The following NEGR1 variants were observed in gnomAD, a reference collection of about 807,000 sequenced individuals.
NEGR1 encodes IgLON family member 4.
A neutral mutation model predicts 40.9 loss-of-function variants in NEGR1; 10 were observed. The observed-to-expected ratio is 0.24, with a 90% confidence interval of 0.15 to 0.42. NEGR1 has a LOEUF of 0.42. Among genes scored for constraint, NEGR1 ranks in the 10% least tolerant of loss-of-function variants. The pLI is 1.00. For missense variants in NEGR1, 352 were observed against 438.9 expected, an observed-to-expected ratio of 0.80 and a Z score of 1.77; for synonymous variants, 185 against 166.8, an observed-to-expected ratio of 1.11 and a Z score of -0.84.
intron 2 of NEGR1, among the ~76,000 whole-genome samples, chr1:71,789,943 G>A (rs1304078428): frequency 1.3e-5 from 2 of 152,010 alleles, no homozygotes; most frequent in South Asian, 2.1e-4. Flanking sequence ...TTTATTCACG[G>A]CTACTACTGT....
At chr1:72,159,565 A>G (rs546201957) in intron 1 of NEGR1, among the ~76,000 whole-genome samples, 26 of 152,286 alleles carry the variant, frequency 1.7e-4, no homozygotes, top group African/African-American at 6.3e-4. Context: ...AAGCAGTGTC[A>G]CATACCTATT....
intron 1 of NEGR1, among the ~76,000 whole-genome samples, chr1:72,007,129 CA>C (rs1646614830): frequency 6.6e-6 from 1 of 151,252 alleles, no homozygotes; most frequent in African/African-American, 2.4e-5. Flanking sequence ...TTTGTTTTTT[CA>C]AAAAAAGGAG....
chr1:72,025,984 G>C (rs1413224333), intron 1 of NEGR1, among the ~76,000 whole-genome samples: 1 of 149,576 alleles, frequency 6.7e-6, no homozygotes, highest in Non-Finnish European at 1.5e-5. Context: ...AGTGGCGGGC[G>C]CCTGTAGTCC....
intron 6 of NEGR1, among the ~76,000 whole-genome samples, chr1:71,434,700 G>T (rs1646494682): frequency 6.6e-6 from 1 of 152,176 alleles, no homozygotes; most frequent in Non-Finnish European, 1.5e-5. Flanking sequence ...AAGTCGAATT[G>T]CTTGATATAT....
chr1:72,075,872 G>A (rs766499228), intron 1 of NEGR1, among the ~76,000 whole-genome samples: 1 of 152,040 alleles, frequency 6.6e-6, no homozygotes, highest in Non-Finnish European at 1.5e-5. Flanking sequence ...AACTAAGATC[G>A]GAGTAAGAGT....
chr1:71,912,917 G>C (rs12727944), intron 2 of NEGR1, among the ~76,000 whole-genome samples: 1,754 of 151,784 alleles, frequency 0.012, 19 homozygotes, highest in Non-Finnish European at 0.02. Flanking sequence ...ACTTAACTTT[G>C]CAAAATAATT....
chr1:71,870,026 C>T (rs949597039), intron 2 of NEGR1, among the ~76,000 whole-genome samples: 11 of 151,838 alleles, frequency 7.2e-5, no homozygotes, highest in East Asian at 3.9e-4. Flanking sequence ...ATTACAGGCG[C>T]GGGCCACCAC....
At chr1:72,135,404 C>CAAAAAA (rs562148946) in intron 1 of NEGR1, among the ~76,000 whole-genome samples, 2 of 65,786 alleles carry the variant, frequency 3.0e-5, no homozygotes, top group African/African-American at 1.6e-4. Context: ...AAACAAAAAA[C>CAAAAAA]AAAAAAAAAA....
intron 2 of NEGR1, among the ~76,000 whole-genome samples, chr1:71,926,255 TA>T (rs1313693344): frequency 1.3e-5 from 2 of 152,100 alleles, no homozygotes; most frequent in Non-Finnish European, 2.9e-5. Context: ...TCCAAATGAA[TA>T]ATATATAATA....
intron 1 of NEGR1, among the ~76,000 whole-genome samples, chr1:71,991,571 A>C (rs1353705393): frequency 6.6e-6 from 1 of 152,154 alleles, no homozygotes; most frequent in East Asian, 1.9e-4. Context: ...TCCTCTGGAA[A>C]GACTCGTGAT....
At chr1:71,730,566 AATTTATAT>A (rs1654825967) in intron 3 of NEGR1, among the ~76,000 whole-genome samples, 1 of 92,172 alleles carries the variant, frequency 1.1e-5, no homozygotes. Flanking sequence ...ATATAGTATA[AATTTATAT>A]ATATATATAT....
intron 2 of NEGR1, among the ~76,000 whole-genome samples, chr1:71,839,321 A>C (rs1659155023): frequency 6.7e-6 from 1 of 150,092 alleles, no homozygotes; most frequent in African/African-American, 2.5e-5. Flanking sequence ...CTCCTGCCTC[A>C]GCCTCCCGAG....
intron 6 of NEGR1, among the ~76,000 whole-genome samples, chr1:71,510,463 A>G (rs1390099042): frequency 6.6e-6 from 1 of 152,208 alleles, no homozygotes; most frequent in Non-Finnish European, 1.5e-5. Context: ...AATCTAAGTA[A>G]TGCCAGCCGG....
chr1:71,740,974 C>T (rs1412463828), intron 3 of NEGR1, among the ~76,000 whole-genome samples: 1 of 152,142 alleles, frequency 6.6e-6, no homozygotes, highest in Non-Finnish European at 1.5e-5. Flanking sequence ...GAAAGCGACA[C>T]CCTGCAGAGG....
At chr1:71,959,445 C>T (rs957178337) in intron 1 of NEGR1, among the ~76,000 whole-genome samples, 5 of 152,006 alleles carry the variant, frequency 3.3e-5, no homozygotes, top group African/African-American at 1.2e-4. Context: ...TCTAAAATAA[C>T]TCACTTTCTC....
intron 1 of NEGR1, among the ~76,000 whole-genome samples, chr1:71,978,098 T>A (rs1283149688): frequency 7.2e-6 from 1 of 137,996 alleles, no homozygotes; most frequent in East Asian, 2.0e-4. Flanking sequence ...CTCTCTAGAG[T>A]CTTTTTTTTG....
chr1:71,670,144 A>T (rs1652371100), intron 4 of NEGR1, among the ~76,000 whole-genome samples: 1 of 152,142 alleles, frequency 6.6e-6, no homozygotes, highest in Non-Finnish European at 1.5e-5. Flanking sequence ...TCTACCAGTG[A>T]TGAATTATCT....
chr1:72,212,640 C>T (rs926674499), intron 1 of NEGR1, among the ~76,000 whole-genome samples: 9 of 151,724 alleles, frequency 5.9e-5, no homozygotes, highest in Non-Finnish European at 1.0e-4. Flanking sequence ...TGGTAAAAAG[C>T]AATAAAGAAG....
At chr1:72,255,236 T>C (rs1420127254) in intron 1 of NEGR1, among the ~76,000 whole-genome samples, 1 of 152,224 alleles carries the variant, frequency 6.6e-6, no homozygotes, top group East Asian at 1.9e-4. Flanking sequence ...CCATTACTAG[T>C]AGACTTTCAT....
Sources: allele counts gnomAD v4.1 joint callset (sites outside exome capture counted in the v4.1 genomes callset), GRCh38; gene constraint gnomAD v4.1.1; transcripts MANE v1.5; gene names NCBI Gene and HGNC (gene_info 2026-07-23, HGNC 2026-07-21).